PTAR1: variants seen among roughly 807,000 people sequenced by gnomAD.
PTAR1 encodes the protein protein prenyltransferase alpha subunit repeat containing 1.
A neutral mutation model predicts 45.5 loss-of-function variants in PTAR1; 17 were observed. The observed-to-expected ratio is 0.37, with a 90% CI of 0.26 to 0.56. PTAR1 has a LOEUF of 0.56. PTAR1 is among the 20% of genes least tolerant of loss of function. The probability of loss-of-function intolerance (pLI) is 0.77; values close to 1 mark genes in which losing one functional copy is unlikely to be tolerated. For missense variants in PTAR1, 391 were observed against 476.3 expected (o/e 0.82, Z 1.67); for synonymous variants, 169 against 171.3 (o/e 0.99, Z 0.11).
chr9:69,758,935 T>C (rs1034534741), intron 1 of PTAR1, among the ~76,000 whole-genome samples: 3 of 152,164 alleles, frequency 2.0e-5, no homozygotes, highest in African/African-American at 7.2e-5. Context: ...ATGTTTCTTT[T>C]CTTTGAGGAG....
Position 69,717,959 on chromosome 9 carries a change from C to T in PTAR1, c.*383G>A, listed in dbSNP as rs1320838477. 6.3e-6 allele frequency: 1 copy of T among 158,800 alleles called. No homozygotes were observed. The highest frequency in any genetic ancestry group is 1.4e-5 in the Non-Finnish European group (1 of 72,528). The allele number at this position is 158,800 out of a possible 1,614,324, so 9.8% of individuals were successfully genotyped here. A position where few individuals can be genotyped will look rare whatever the true frequency, so the allele number is the denominator to read the frequency against. On this transcript the variant is annotated 3_prime_UTR_variant, in exon 8 of 8. Transcript: ENST00000340434. ...AAAGTCCTGGGCTCAGGCAATCCTC[C>T]TGCCTAGGCCTTAAATTTTTAATTT...
intron 1 of PTAR1, chr9:69,758,724 T>TA (rs1197425995): frequency 2.0e-5 from 8 of 397,622 alleles, no homozygotes; most frequent in Non-Finnish European, 3.7e-5. Flanking sequence ...AAAGAACACT[T>TA]TGGTAAGATA....
rs374519941 is a variant in PTAR1, at chr9:69,718,402, G to A, written c.1149C>T (p.Asn383=). 3 of 1,613,394 alleles carry A rather than the reference G, an allele frequency of 1.9e-6. No individual in the cohort carries two copies. Among genetic ancestry groups the A allele is most frequent in the East Asian group, 2.2e-5 (1 of 44,848 alleles). ...FIDQVLSTCR[N]VEQARFASAY... ...CACTGGCAAACCTGGCTTGCTCCAC[G>A]TTCCGACAGGTGGACAATACTTGAT... Residue 383 remains asparagine (N), a synonymous_variant, in exon 8 of 8, where the codon AAC becomes AAT. Coordinates refer to ENST00000340434, the MANE Select transcript of PTAR1 (RefSeq NM_001099666.2).
rs1196342519 is a variant in PTAR1 at position 69,732,443 on chromosome 9, C to G, written c.429-91G>C. 4 of 903,878 alleles carry G rather than the reference C, an allele frequency of 4.4e-6. No individual in the cohort carries two copies. The East Asian group carries it at 9.9e-5, about 22-fold the overall frequency. 56.0% of individuals were successfully genotyped at this position (903,878 alleles called of 1,614,324 possible). Reference sequence around the variant, plus strand: ...TTTTCATTGTTCCTAATTTAATTTCCATTCAGAGACAATGCAAAATAATAC... The same window carrying G: ...TTTTCATTGTTCCTAATTTAATTTCGATTCAGAGACAATGCAAAATAATAC... On this transcript the variant is annotated intron_variant, in intron 4 of 7. Coordinates refer to ENST00000340434, the MANE Select transcript of PTAR1 (RefSeq NM_001099666.2).
chr9:69,726,249 C>T (rs1009429831), intron 5 of PTAR1, among the ~76,000 whole-genome samples: 1 of 152,030 alleles, frequency 6.6e-6, no homozygotes, highest in Non-Finnish European at 1.5e-5. Context: ...TCTATGTATG[C>T]ACATGCACAG....
intron 2 of PTAR1, among the ~76,000 whole-genome samples, chr9:69,743,632 A>AT (rs1440799758): frequency 1.3e-5 from 2 of 152,124 alleles, no homozygotes; most frequent in Admixed American, 1.3e-4. Flanking sequence ...TAACCTCTTC[A>AT]TTTTTTTACT....
rs1824569027 is a variant in PTAR1 at position 69,712,629 on chromosome 9, T to C, written c.*5713A>G. The C allele has an allele frequency of 6.6e-6, 1 of 152,182 alleles. No homozygotes were observed. The highest frequency in any genetic ancestry group is 1.5e-5 in the Non-Finnish European group (1 of 68,012). The allele number at this position is 152,182 out of a possible 1,614,324, so 9.4% of individuals were successfully genotyped here. A position where few individuals can be genotyped will look rare whatever the true frequency, so the allele number is the denominator to read the frequency against. On this transcript the variant is annotated 3_prime_UTR_variant, in exon 8 of 8. Coordinates refer to ENST00000340434, the MANE Select transcript of PTAR1 (RefSeq NM_001099666.2). ...CTACAATGTGCAAGGCAGTATGCAA[T>C]GTGTTGAACATATATGAGGTCTACA...
At chr9:69,743,006 A>G (rs1197910555) in intron 2 of PTAR1, among the ~76,000 whole-genome samples, 1 of 152,144 alleles carries the variant, frequency 6.6e-6, no homozygotes, top group East Asian at 1.9e-4. Context: ...AAGGTTATCT[A>G]TCTAGGGGCA....
At chr9:69,755,238 C>A (rs1423098473) in intron 1 of PTAR1, among the ~76,000 whole-genome samples, 1 of 152,186 alleles carries the variant, frequency 6.6e-6, no homozygotes, top group Non-Finnish European at 1.5e-5. Context: ...TCACCTTCAT[C>A]ACAGACTGCT....
At chr9:69,734,277 AAAAAAAAAT>A in intron 3 of PTAR1, 23 bp from the exon 4 acceptor site, 1 of 1,176,296 alleles carries the variant, frequency 8.5e-7, no homozygotes, top group South Asian at 1.5e-5. Flanking sequence ...AAAAAAAAAA[AAAAAAAAAT>A]TAAACATTAC....
intron 4 of PTAR1, among the ~76,000 whole-genome samples, chr9:69,732,669 T>C (rs1388785743): frequency 3.9e-5 from 6 of 151,950 alleles, no homozygotes; most frequent in African/African-American, 1.4e-4. Flanking sequence ...GTAAAGGCAA[T>C]TGGTGTGTGT....
intron 5 of PTAR1, among the ~76,000 whole-genome samples, chr9:69,731,218 G>A (rs10117427): frequency 4.2e-4 from 64 of 152,304 alleles, no homozygotes; most frequent in African/African-American, 1.4e-3. Context: ...GGGAGCATGG[G>A]AAGAGGGATG....
intron 1 of PTAR1, among the ~76,000 whole-genome samples, chr9:69,759,030 T>C (rs1826946006): frequency 6.7e-6 from 1 of 149,600 alleles, no homozygotes; most frequent in African/African-American, 2.5e-5. Context: ...CTCAATAGCT[T>C]TCTTTTCACT....
intron 5 of PTAR1, among the ~76,000 whole-genome samples, chr9:69,731,592 G>C (rs1268709554): frequency 6.6e-6 from 1 of 152,112 alleles, no homozygotes; most frequent in East Asian, 1.9e-4. Context: ...AAATAACCCT[G>C]AGTCAGTGGA....
intron 1 of PTAR1, chr9:69,757,734 C>G (rs978808299): frequency 7.0e-6 from 1 of 143,408 alleles, no homozygotes; most frequent in Non-Finnish European, 1.5e-5. Context: ...TAGATACAAA[C>G]GTTACAGATA....
rs373820398 is a variant in PTAR1, at chr9:69,738,066, A to T, written c.323+3726T>A. ...TTCCTCTTCTAAAGTTCCCTCCAGG[A>T]TCCCTTATATTTGGTAGTTATGTCT... On this transcript the variant is annotated intron_variant, in intron 3 of 7. Coordinates refer to ENST00000340434, the MANE Select transcript of PTAR1 (RefSeq NM_001099666.2). Among the ~76,000 whole-genome samples, 135 of 152,242 alleles carry T rather than the reference A, an allele frequency of 8.9e-4. 1 individual carries two copies. In the South Asian group the frequency reaches 0.027, roughly 30 times the overall value.
At chr9:69,744,842 G>A (rs1407202620) in intron 2 of PTAR1, among the ~76,000 whole-genome samples, 2 of 152,186 alleles carry the variant, frequency 1.3e-5, no homozygotes, top group African/African-American at 2.4e-5. Context: ...GCCAGGTACT[G>A]AGCTGGCTGA....
rs112195662 is a variant in PTAR1, at chr9:69,710,350, A to G, written c.*7992T>C. 3.9e-5 allele frequency: 6 copies of G among 152,264 alleles called. No homozygotes were observed. The highest frequency in any genetic ancestry group is 2.1e-4 in the South Asian group (1 of 4,830). The allele number at this position is 152,264 out of a possible 1,614,324, so 9.4% of individuals were successfully genotyped here. On this transcript the variant is annotated 3_prime_UTR_variant, in exon 8 of 8. Coordinates refer to ENST00000340434, the MANE Select transcript of PTAR1 (RefSeq NM_001099666.2). ...ATATTTTTAATATACTGGGTTACAT[A>G]AACTGTTATTAAAATTAATTTTGCT...
chr9:69,736,677 G>T (rs894273543), intron 3 of PTAR1, among the ~76,000 whole-genome samples: 4 of 151,884 alleles, frequency 2.6e-5, no homozygotes, highest in African/African-American at 4.8e-5. Context: ...TATATAAGGG[G>T]AGATAATCAA....
Sources: gnomAD v4.1 joint callset for allele counts (sites outside exome capture counted in the v4.1 genomes callset) on GRCh38, gnomAD v4.1.1 for gene constraint, MANE v1.5 for transcripts, NCBI Gene and HGNC (gene_info 2026-07-23, HGNC 2026-07-21) for gene names.